The following TSHZ3 variants were observed in gnomAD, a reference collection of about 807,000 sequenced individuals.
TSHZ3 encodes the protein teashirt zinc finger homeobox 3.
A neutral mutation model predicts 64.5 loss-of-function variants in TSHZ3; 10 were observed. That is an observed-to-expected ratio of 0.16 (90% CI 0.10 to 0.26). The LOEUF (loss-of-function observed/expected upper bound fraction) is 0.26. Ranked by LOEUF, TSHZ3 falls within the 10% of genes least tolerant of loss-of-function variation. The pLI is 1.00. For synonymous variants in TSHZ3, 608 were observed against 593.1 expected, an observed-to-expected ratio of 1.03 and a Z score of -0.36; for missense variants, 1,242 against 1,421.7, an observed-to-expected ratio of 0.87 and a Z score of 2.03.
intron 1 of TSHZ3, among the ~76,000 whole-genome samples, chr19:31,258,885 C>A (rs1352286521): frequency 6.6e-6 from 1 of 152,176 alleles, no homozygotes; most frequent in Non-Finnish European, 1.5e-5. Context: ...TTCCTCTAGG[C>A]ACCATCACAG....
intron 5 of TSHZ3, among the ~76,000 whole-genome samples, chr19:31,191,358 A>G (rs570630320): frequency 4.9e-4 from 75 of 152,344 alleles, no homozygotes; most frequent in African/African-American, 1.7e-3. Context: ...CTAGTCGGAA[A>G]CAATGCAAGT....
At chr19:31,174,576 G>T (rs924990080) in intron 5 of TSHZ3, among the ~76,000 whole-genome samples, 2 of 152,092 alleles carry the variant, frequency 1.3e-5, no homozygotes, top group Non-Finnish European at 1.5e-5. Flanking sequence ...CCTTTGTATT[G>T]GTATTTTGTG....
At chr19:31,158,404 A>G (rs1261733676) in intron 5 of TSHZ3, among the ~76,000 whole-genome samples, 3 of 152,188 alleles carry the variant, frequency 2.0e-5, no homozygotes, top group Non-Finnish European at 4.4e-5. Context: ...GGCTTGAAAC[A>G]ACTCCAATTT....
intron 1 of TSHZ3, among the ~76,000 whole-genome samples, chr19:31,331,766 A>G (rs894424229): frequency 2.0e-5 from 3 of 152,142 alleles, no homozygotes; most frequent in African/African-American, 7.2e-5. Flanking sequence ...CGGGACAGTC[A>G]ATTGATTTTC....
At chr19:31,335,922 G>C (rs538087702) in intron 1 of TSHZ3, among the ~76,000 whole-genome samples, 1 of 152,170 alleles carries the variant, frequency 6.6e-6, no homozygotes, top group Non-Finnish European at 1.5e-5. Flanking sequence ...AAAAATCCCC[G>C]GTGCTGTGAC....
In TSHZ3 at chr19:31,224,119, G is replaced by A. The variant is rs570350119; in HGVS notation, n.686+3886C>T. Among the ~76,000 whole-genome samples, 13 of 152,294 alleles carry A rather than the reference G, an allele frequency of 8.5e-5. No individual in the cohort carries two copies. In the East Asian group the frequency reaches 2.3e-3, roughly 27 times the overall value. On this transcript the variant is annotated intron_variant and non_coding_transcript_variant, in intron 4 of 6. Transcript: ENST00000651361. ...GTTACTATTTACAGGAAACTGGCAC[G>A]GAGATATAACTTTTGCTAGACAGGT...
intron 1 of TSHZ3, among the ~76,000 whole-genome samples, chr19:31,294,753 T>C (rs1181297090): frequency 6.6e-6 from 1 of 152,180 alleles, no homozygotes; most frequent in Non-Finnish European, 1.5e-5. Flanking sequence ...CATTTTTATA[T>C]TGACACTTAT....
intron 1 of TSHZ3, among the ~76,000 whole-genome samples, chr19:31,255,643 C>T (rs1357707708): frequency 6.6e-6 from 1 of 152,092 alleles, no homozygotes; most frequent in African/African-American, 2.4e-5. Context: ...GCCGGTGTCA[C>T]AGTCACTCAA....
At chr19:31,171,245 T>C (rs1455427303) in intron 5 of TSHZ3, among the ~76,000 whole-genome samples, 4 of 152,016 alleles carry the variant, frequency 2.6e-5, no homozygotes, top group African/African-American at 9.7e-5. Context: ...TTGAAGGCGG[T>C]GTTACCAAAA....
chr19:31,327,175 A>T (rs1336853657), intron 1 of TSHZ3, among the ~76,000 whole-genome samples: 4 of 152,320 alleles, frequency 2.6e-5, no homozygotes, highest in African/African-American at 7.2e-5. Flanking sequence ...CCTTCAAAGG[A>T]AAAAAGAATA....
At chr19:31,205,755 A>G (rs1441995359) in intron 4 of TSHZ3, among the ~76,000 whole-genome samples, 1 of 152,244 alleles carries the variant, frequency 6.6e-6, no homozygotes, top group African/African-American at 2.4e-5. Context: ...TCAGCTCCTT[A>G]GCACTTTGAA....
chr19:31,270,446 C>T (rs558120426), downstream of TSHZ3, among the ~76,000 whole-genome samples: 1 of 152,200 alleles, frequency 6.6e-6, no homozygotes, highest in Admixed American at 6.5e-5. Context: ...CCTGGGATTA[C>T]AGGTGCACGC....
At chr19:31,349,736 A>G (rs2145209348), upstream of TSHZ3, among the ~76,000 whole-genome samples, 1 of 144,564 alleles carries the variant, frequency 6.9e-6, no homozygotes, top group East Asian at 2.2e-4. Context: ...CCCCGCCCCT[A>G]GGCCGGGGGT....
intron 1 of TSHZ3, among the ~76,000 whole-genome samples, chr19:31,247,855 AGTGT>A (rs34849874): frequency 0.035 from 5,317 of 150,570 alleles, 316 homozygotes; most frequent in African/African-American, 0.12. Flanking sequence ...ACACAATTAC[AGTGT>A]GTGTGTGTGT....
intron 1 of TSHZ3, among the ~76,000 whole-genome samples, chr19:31,251,428 T>TCCTG (rs1389264386): frequency 1.3e-5 from 2 of 152,156 alleles, no homozygotes; most frequent in African/African-American, 4.8e-5. Flanking sequence ...TGTTCTGGCC[T>TCCTG]CACCCTGCCT....
At chr19:31,199,731 A>G (rs1488501213) in intron 5 of TSHZ3, among the ~76,000 whole-genome samples, 1 of 140,232 alleles carries the variant, frequency 7.1e-6, no homozygotes, top group Non-Finnish European at 1.6e-5. Context: ...CTTCACTAAA[A>G]TTAAAATTTT....
chr19:31,335,269 G>A (rs959308114), intron 1 of TSHZ3, among the ~76,000 whole-genome samples: 10 of 152,180 alleles, frequency 6.6e-5, no homozygotes, highest in African/African-American at 1.9e-4. Flanking sequence ...ATTAAGCAAA[G>A]CGCTTTCTCA....
chr19:31,261,895 C>G (rs761391314), intron 1 of TSHZ3, among the ~76,000 whole-genome samples: 2 of 152,106 alleles, frequency 1.3e-5, no homozygotes, highest in Non-Finnish European at 2.9e-5. Flanking sequence ...AAGTCGGAAC[C>G]CTCCCTGTCT....
In TSHZ3 at chr19:31,154,288, C is replaced by A. The variant is rs572125437; in HGVS notation, n.871+2068G>T. ...CATGGTGTATTTGCTTGCAGTGCAACAATAGCAAGTCCACACATAATCTTT... is the reference window on the plus strand; with the variant it reads ...CATGGTGTATTTGCTTGCAGTGCAAAAATAGCAAGTCCACACATAATCTTT... On this transcript the variant is annotated intron_variant and non_coding_transcript_variant, in intron 6 of 6. Transcript: ENST00000651361. 1.5e-3 allele frequency among the ~76,000 whole-genome samples: 230 copies of A among 152,290 alleles called. 1 individual carries two copies. The highest frequency in any genetic ancestry group is 5.3e-3 in the African/African-American group (219 of 41,570).
Sources: gnomAD v4.1 joint callset for allele counts (sites outside exome capture counted in the v4.1 genomes callset) on GRCh38, gnomAD v4.1.1 for gene constraint, MANE v1.5 for transcripts, NCBI Gene and HGNC (gene_info 2026-07-23, HGNC 2026-07-21) for gene names.